The following KHDRBS2 variants were observed in gnomAD, a reference collection of about 807,000 sequenced individuals.
KHDRBS2 encodes KH RNA binding domain containing, signal transduction associated 2.
KHDRBS2 carries 26 observed loss-of-function variants against 44.3 expected under a neutral mutation model. That is an observed-to-expected ratio of 0.59 (90% confidence interval 0.43 to 0.81). KHDRBS2 has a LOEUF of 0.81. KHDRBS2 is among the 40% of genes least tolerant of loss of function. The pLI is 0.00. For missense variants in KHDRBS2, 476 were observed against 433.1 expected (o/e 1.10, Z -0.88); for synonymous variants, 194 against 151.1 (o/e 1.28, Z -2.08).
intron 6 of KHDRBS2, among the ~76,000 whole-genome samples, chr6:61,734,174 C>T (rs948702685): frequency 6.6e-6 from 1 of 152,080 alleles, no homozygotes; most frequent in African/African-American, 2.4e-5. Flanking sequence ...ACATACGAAG[C>T]TTTCTGAATC....
chr6:62,242,474 C>T (rs1364707708), intron 1 of KHDRBS2, among the ~76,000 whole-genome samples: 5 of 152,078 alleles, frequency 3.3e-5, no homozygotes, highest in Admixed American at 2.6e-4. Context: ...GCATCAGAAT[C>T]CTTCCCCTGT....
At chr6:62,130,487 T>C (rs1810031016) in intron 2 of KHDRBS2, among the ~76,000 whole-genome samples, 1 of 152,202 alleles carries the variant, frequency 6.6e-6, no homozygotes, top group African/African-American at 2.4e-5. Flanking sequence ...ACAATTGTTA[T>C]GAAGATAACT....
intron 1 of KHDRBS2, among the ~76,000 whole-genome samples, chr6:62,262,620 A>C (rs762148151): frequency 3.3e-5 from 5 of 151,756 alleles, no homozygotes; most frequent in Non-Finnish European, 7.4e-5. Flanking sequence ...CTCAGCTGGA[A>C]TCTAACCTAT....
intron 2 of KHDRBS2, among the ~76,000 whole-genome samples, chr6:62,123,113 T>C (rs143610059): frequency 2.0e-5 from 3 of 152,150 alleles, no homozygotes; most frequent in Non-Finnish European, 4.4e-5. Context: ...ATGTTCTCAT[T>C]GTTCAACTCT....
At chr6:62,068,724 T>C (rs943783551) in intron 2 of KHDRBS2, among the ~76,000 whole-genome samples, 1 of 151,606 alleles carries the variant, frequency 6.6e-6, no homozygotes, top group Non-Finnish European at 1.5e-5. Context: ...GACTAACCAG[T>C]TTTCCCAGTA....
intron 6 of KHDRBS2, among the ~76,000 whole-genome samples, chr6:61,744,035 G>A (rs896273323): frequency 7.2e-5 from 11 of 151,952 alleles, no homozygotes; most frequent in Admixed American, 1.3e-4. Flanking sequence ...ATTGTTGTTG[G>A]ACATTTAGGT....
chr6:61,590,207 A>G, the KHDRBS2 span, among the ~76,000 whole-genome samples: 3 of 152,192 alleles, frequency 2.0e-5, no homozygotes, highest in Non-Finnish European at 4.4e-5. Context: ...GCAATAATGA[A>G]AAAAGATGGG....
At chr6:61,712,662 A>G (rs1770708726) in intron 7 of KHDRBS2, among the ~76,000 whole-genome samples, 1 of 151,846 alleles carries the variant, frequency 6.6e-6, no homozygotes, top group Admixed American at 6.6e-5. Flanking sequence ...TAGTTTCTTT[A>G]TCTGTAACAT....
At chr6:61,721,606 T>C (rs1334424249) in intron 7 of KHDRBS2, among the ~76,000 whole-genome samples, 3 of 130,260 alleles carry the variant, frequency 2.3e-5, no homozygotes, top group Non-Finnish European at 1.8e-5. Context: ...ATAAGAATGC[T>C]TGTGATTTTT....
At position 62,269,807 on chromosome 6, in the gene KHDRBS2, C is replaced by T. The variant is rs1439770167; in HGVS notation, c.91+16051G>A. Among the ~76,000 whole-genome samples, 4 of 152,142 alleles carry T rather than the reference C, an allele frequency of 2.6e-5. No individual in the cohort carries two copies. The South Asian group carries it at 6.2e-4, about 24-fold the overall frequency. On this transcript the variant is annotated intron_variant, in intron 1 of 8. Transcript: ENST00000281156. ...TTTATAACAACTTATCTATAATCAG[C>T]TAACACTGAAAGGAGCCCATATGTA...
chr6:61,961,761 G>C (rs757687990), intron 4 of KHDRBS2, among the ~76,000 whole-genome samples: 1 of 152,214 alleles, frequency 6.6e-6, no homozygotes, highest in South Asian at 2.1e-4. Flanking sequence ...TGAGGTCAAA[G>C]AGAAGTTGCT....
At chr6:61,956,403 A>T (rs73482859) in intron 4 of KHDRBS2, among the ~76,000 whole-genome samples, 3,363 of 152,298 alleles carry the variant, frequency 0.022, 137 homozygotes, top group African/African-American at 0.077. Flanking sequence ...AAAATTGAAG[A>T]CAAAACATTT....
At chr6:61,833,904 T>C (rs1158441522) in intron 6 of KHDRBS2, among the ~76,000 whole-genome samples, 2 of 152,114 alleles carry the variant, frequency 1.3e-5, no homozygotes, top group East Asian at 3.9e-4. Flanking sequence ...TACCCTTCAT[T>C]TGAATGTTTT....
intron 1 of KHDRBS2, among the ~76,000 whole-genome samples, chr6:62,214,327 G>C (rs565096129): frequency 6.6e-6 from 1 of 152,030 alleles, no homozygotes; most frequent in African/African-American, 2.4e-5. Context: ...TAACAATGCA[G>C]GTAAGTATGA....
chr6:61,635,240 G>A, the KHDRBS2 span, among the ~76,000 whole-genome samples: 1 of 151,912 alleles, frequency 6.6e-6, no homozygotes, highest in African/African-American at 2.4e-5. Context: ...GGTAAACAAA[G>A]AATAGAAGGT....
At position 61,978,166 on chromosome 6, in the gene KHDRBS2, C is replaced by A; in HGVS notation, c.383G>T (p.Ser128Ile). Residue 128 changes from serine (S) to isoleucine (I), a missense_variant, in exon 4 of 9, where the codon AGT becomes ATT. By Grantham distance (142) the Ser-to-Ile change is moderately radical. Coordinates refer to ENST00000281156, the MANE Select transcript of KHDRBS2 (RefSeq NM_152688.4). Reference protein sequence around the residue: ...KSGEAKYAHLSDELHVLIEVF... With the variant: ...KSGEAKYAHLIDELHVLIEVF... ...TTCAATTAATACATGAAGCTCATCACTCAAGTGGGCATATTTGGCTTCCCC... is the reference window on the plus strand; with the variant it reads ...TTCAATTAATACATGAAGCTCATCAATCAAGTGGGCATATTTGGCTTCCCC... The A allele has an allele frequency of 6.2e-7, 1 of 1,611,222 alleles. No individual in the cohort carries two copies. Among genetic ancestry groups the A allele is most frequent in the East Asian group, 2.2e-5 (1 of 44,826 alleles).
chr6:62,255,632 ACACAC>A (rs1239800026), intron 1 of KHDRBS2, among the ~76,000 whole-genome samples: 2 of 151,100 alleles, frequency 1.3e-5, no homozygotes, highest in Non-Finnish European at 3.0e-5. Context: ...ACACACACAC[ACACAC>A]ACACACACAC....
chr6:62,014,411 A>C (rs1019944384), intron 3 of KHDRBS2, among the ~76,000 whole-genome samples: 4 of 152,142 alleles, frequency 2.6e-5, no homozygotes, highest in Admixed American at 2.6e-4. Flanking sequence ...AGTTTATCAA[A>C]GGACTCCCAC....
intron 1 of KHDRBS2, among the ~76,000 whole-genome samples, chr6:62,284,516 C>A (rs1842209052): frequency 6.6e-6 from 1 of 151,832 alleles, no homozygotes; most frequent in Admixed American, 6.6e-5. Context: ...AAAAAAAGTT[C>A]GTTTTTATTG....
Sources: allele counts gnomAD v4.1 joint callset (sites outside exome capture counted in the v4.1 genomes callset), GRCh38; gene constraint gnomAD v4.1.1; transcripts MANE v1.5; gene names NCBI Gene and HGNC (gene_info 2026-07-23, HGNC 2026-07-21).